Variants in ABCC6 observed in about 807,000 individuals in gnomAD.
ABCC6 encodes ATP binding cassette subfamily C member 6.
ABCC6 carries 126 observed loss-of-function variants against 169.5 expected under a neutral mutation model. The observed-to-expected ratio is 0.74, with a 90% CI of 0.64 to 0.86. The LOEUF (loss-of-function observed/expected upper bound fraction) is 0.86, where lower values mean the gene tolerates loss of function less well. Among genes scored for constraint, ABCC6 ranks in the 40% least tolerant of loss-of-function variants. The pLI, the probability that ABCC6 is intolerant of heterozygous loss-of-function variation, is 0.00. For missense variants in ABCC6, 1,733 were observed against 1,927.2 expected (o/e 0.90, Z 1.89); for synonymous variants, 752 against 814.7 (o/e 0.92, Z 1.31).
rs369385973 is a variant in ABCC6, at chr16:16,212,869, G to T, written c.601-623C>A. Among the ~76,000 whole-genome samples, 25 of 152,102 alleles carry T rather than the reference G, an allele frequency of 1.6e-4. No homozygotes were observed. In the East Asian group the frequency reaches 4.3e-3, roughly 26 times the overall value. ...ATTAGATCCTTGACAATATCCCTCGGCAAATGTTGTGAAGACAGACCTGTC... is the reference window on the plus strand; with the variant it reads ...ATTAGATCCTTGACAATATCCCTCGTCAAATGTTGTGAAGACAGACCTGTC... On this transcript the variant is annotated intron_variant, in intron 5 of 30. Coordinates refer to ENST00000205557, the MANE Select transcript of ABCC6 (RefSeq NM_001171.6).
intron 17 of ABCC6, among the ~76,000 whole-genome samples, chr16:16,180,498 T>G (rs1309705402): frequency 1.3e-5 from 2 of 152,162 alleles, no homozygotes; most frequent in Non-Finnish European, 2.9e-5. Flanking sequence ...AAAACTTATT[T>G]TTATTTATTT....
chr16:16,193,357 GC>G (rs2047927907), intron 10 of ABCC6, among the ~76,000 whole-genome samples: 1 of 152,314 alleles, frequency 6.6e-6, no homozygotes, highest in Admixed American at 6.5e-5. Context: ...TGGGCAACCA[GC>G]AGCCCTCTGG....
intron 13 of ABCC6, among the ~76,000 whole-genome samples, chr16:16,188,002 C>T (rs968546862): frequency 3.4e-4 from 51 of 151,848 alleles, no homozygotes; most frequent in Admixed American, 2.0e-3. Context: ...GAGGCTGAGG[C>T]GGGCTTATTA....
intron 15 of ABCC6, among the ~76,000 whole-genome samples, chr16:16,183,287 G>GCACA (rs1332947484): frequency 1.3e-5 from 2 of 151,896 alleles, no homozygotes; most frequent in Admixed American, 1.3e-4. Context: ...TGCACACCAC[G>GCACA]CACACACACA....
chr16:16,179,193 A>G (rs2047391665), intron 17 of ABCC6, among the ~76,000 whole-genome samples: 1 of 152,066 alleles, frequency 6.6e-6, no homozygotes, highest in African/African-American at 2.4e-5. Context: ...TTCCTGGAGG[A>G]GTTACCTACA....
Position 16,187,139 on chromosome 16 carries a change from T to C in ABCC6, c.1852A>G (p.Ser618Gly). The change falls in exon 14 of 31, where the codon AGT becomes GGT. Residue 618 changes from serine (S) to glycine (G), a missense_variant. This residue lies in a region of ABCC6 where 1,601 missense variants were observed against 1,635.5 expected (regional missense o/e 0.98). Coordinates refer to ENST00000205557, the MANE Select transcript of ABCC6 (RefSeq NM_001171.6). ...EEVDPGVVDS[S>G]SSGSAAGKDC... ...CAGCACTCACCGCTTCCAGAGGAAC[T>C]TGAGTCTACGACACCAGGGTCAACT... 6.2e-7 allele frequency: 1 copy of C among 1,601,924 alleles called. No homozygotes were observed. Among genetic ancestry groups the C allele is most frequent in the South Asian group, 1.1e-5 (1 of 90,822 alleles).
intron 21 of ABCC6, 189 bp downstream of exon 21, chr16:16,173,095 A>G (rs1301847193): frequency 1.5e-6 from 1 of 688,142 alleles, no homozygotes; most frequent in East Asian, 2.7e-5. Flanking sequence ...TGTCTGAAAT[A>G]GACCTATCAT....
chr16:16,198,061 G>A lies in ABCC6; in HGVS notation c.1298C>T (p.Pro433Leu). ...GAAGCAGACCACGATCCAGACGAGA[G>A]GCAGCCACAGCCCGTTGAGGTAGAG... ...SVLYLNGLWL[P>L]LVWIVVCFVY... The change falls in exon 10 of 31, where the codon CCT becomes CTT. Residue 433 changes from proline to leucine, a missense_variant. Pro to Leu is a moderately conservative substitution (Grantham distance 98, BLOSUM62 -3). Around this residue, in one of 5 missense-constraint regions of ABCC6, gnomAD observed 1,601 missense variants for 1,635.5 expected, o/e 0.98. Coordinates refer to ENST00000205557, the MANE Select transcript of ABCC6 (RefSeq NM_001171.6). The A allele has an allele frequency of 1.9e-6, 3 of 1,614,076 alleles. No homozygotes were observed. The highest frequency in any genetic ancestry group is 2.5e-6 in the Non-Finnish European group (3 of 1,180,018).
rs2644992 is a variant in ABCC6, at chr16:16,168,878, C to T, written c.2995+768G>A. Among the ~76,000 whole-genome samples, 1,302 of 152,120 alleles carry T rather than the reference C, an allele frequency of 8.6e-3. 11 individuals are homozygous for T. Among genetic ancestry groups the T allele is most frequent in the Middle Eastern group, 0.034 (10 of 294 alleles). ...GGCAGATCATTTGAGGTCAGGAGTT[C>T]GAGACCAGCTTGGCCAACATGGTGA... On this transcript the variant is annotated intron_variant, in intron 22 of 30. Transcript: ENST00000205557.
At chr16:16,154,558 C>G (rs924782067) in intron 29 of ABCC6, 70 bp downstream of exon 29, 90 of 1,595,646 alleles carry the variant, frequency 5.6e-5, no homozygotes, top group Admixed American at 1.7e-5. Flanking sequence ...TTCCTGAAGG[C>G]CCTTGGGGAG....
intron 10 of ABCC6, among the ~76,000 whole-genome samples, chr16:16,194,237 G>A (rs752887446): frequency 3.9e-5 from 6 of 152,186 alleles, no homozygotes; most frequent in Admixed American, 1.3e-4. Flanking sequence ...CTCTTATTGC[G>A]TTTAATTATT....
intron 19 of ABCC6, among the ~76,000 whole-genome samples, chr16:16,176,666 G>A (rs1183755889): frequency 6.6e-6 from 1 of 152,226 alleles, no homozygotes; most frequent in African/African-American, 2.4e-5. Context: ...AGACCTGGAT[G>A]TGAATCCTTG....
intron 24 of ABCC6, 131 bp from the exon 25 acceptor site, chr16:16,161,695 C>T: frequency 8.0e-7 from 1 of 1,249,002 alleles, no homozygotes; most frequent in Non-Finnish European, 1.1e-6. Context: ...CCACATGCAA[C>T]CCAGGCTCAG....
intron 20 of ABCC6, 101 bp downstream of exon 20, chr16:16,175,810 G>T (rs987967780): frequency 2.3e-6 from 3 of 1,318,440 alleles, no homozygotes; most frequent in African/African-American, 1.5e-5. Flanking sequence ...TATCCATAAT[G>T]GTTTTGGTTG....
rs141269265 is a variant in ABCC6 at position 16,186,245 on chromosome 16, C to T, written c.1867+879G>A. ...GTAACTTGAGCTTGGTAAGTCTCAT[C>T]GTGCAATGGTGCTTGAAATGCTGCT... is the stretch of plus-strand genomic sequence containing the variant. On this transcript the variant is annotated intron_variant, in intron 14 of 30. Coordinates refer to ENST00000205557, the MANE Select transcript of ABCC6 (RefSeq NM_001171.6). Among the ~76,000 whole-genome samples, 961 of 152,242 alleles carry T rather than the reference C, an allele frequency of 6.3e-3. 13 individuals are homozygous for T. The highest frequency in any genetic ancestry group is 0.022 in the African/African-American group (926 of 41,522).
intron 7 of ABCC6, among the ~76,000 whole-genome samples, chr16:16,205,725 CTCTT>C (rs1291326734): frequency 2.0e-5 from 3 of 152,188 alleles, no homozygotes; most frequent in African/African-American, 7.2e-5. Context: ...CTCCAACCCT[CTCTT>C]TGTCTCGTTA....
rs562823403 is a variant in ABCC6 at position 16,184,087 on chromosome 16, T to C, written c.1943+872A>G. The C allele has an allele frequency of 1.7e-5, 3 of 172,974 alleles. No individual in the cohort carries two copies. The East Asian group carries it at 5.3e-4, about 31-fold the overall frequency. 10.7% of individuals were successfully genotyped at this position (172,974 alleles called of 1,614,324 possible). Reference sequence around the variant, plus strand: ...GGTAGCATGCGCCTGTAATCCCAGCTACTCGGGAGGCTGAGGCAGGAGAAT... The same window carrying C: ...GGTAGCATGCGCCTGTAATCCCAGCCACTCGGGAGGCTGAGGCAGGAGAAT... On this transcript the variant is annotated intron_variant, in intron 15 of 30. Transcript: ENST00000205557.
In ABCC6 at chr16:16,202,049, C is replaced by T; in HGVS notation, c.1128G>A (p.Val376=). The change falls in exon 9 of 31, where the codon GTG becomes GTA. Residue 376 remains valine (V), a synonymous_variant. Transcript: ENST00000205557. ...FEQQNMYRLK[V]LQMRLRSAIT... ...TGGCCGACCGCAACCTCATCTGCAG[C>T]ACCTTGAGCCTGTACATGTTCTGCT... 1 of 1,614,026 alleles carries T rather than the reference C, an allele frequency of 6.2e-7. No individual in the cohort carries two copies. The highest frequency in any genetic ancestry group is 8.5e-7 in the Non-Finnish European group (1 of 1,179,884).
chr16:16,164,230 C>A (rs2046812543), intron 23 of ABCC6, among the ~76,000 whole-genome samples: 1 of 152,088 alleles, frequency 6.6e-6, no homozygotes, highest in Non-Finnish European at 1.5e-5. Context: ...CGGAGTTTCA[C>A]CATGTTGACC....
Sources: allele counts gnomAD v4.1 joint callset (sites outside exome capture counted in the v4.1 genomes callset), GRCh38; gene constraint gnomAD v4.1.1; regional missense constraint gnomAD v4.1.1; transcripts MANE v1.5; gene names NCBI Gene and HGNC (gene_info 2026-07-23, HGNC 2026-07-21).